ADGRL2: variants seen among roughly 807,000 people sequenced by gnomAD.
ADGRL2 encodes the protein calcium-independent alpha-latrotoxin receptor 2.
Under a neutral mutation model 157.4 loss-of-function variants are expected in ADGRL2, and 44 were observed. The observed-to-expected ratio is 0.28, with a 90% CI of 0.22 to 0.36. ADGRL2 has a LOEUF of 0.36. ADGRL2 is among the 10% of genes least tolerant of loss of function. The pLI is 1.00. For synonymous variants in ADGRL2, 585 were observed against 624.7 expected (o/e 0.94, Z 0.95); for missense variants, 1,510 against 1,768.9 (o/e 0.85, Z 2.63).
chr1:81,515,745 A>G (rs1410797103), intron 2 of ADGRL2, among the ~76,000 whole-genome samples: 1 of 152,208 alleles, frequency 6.6e-6, no homozygotes, highest in African/African-American at 2.4e-5. Context: ...ATGTCCCTTC[A>G]TTGTATTTTA....
chr1:81,585,155 C>T (rs941960425), intron 3 of ADGRL2, among the ~76,000 whole-genome samples: 1 of 152,100 alleles, frequency 6.6e-6, no homozygotes, highest in Non-Finnish European at 1.5e-5. Context: ...TTGCTACAAG[C>T]TTTTGTTGGT....
intron 2 of ADGRL2, among the ~76,000 whole-genome samples, chr1:81,475,122 C>A (rs1272563751): frequency 3.9e-5 from 6 of 152,084 alleles, no homozygotes; most frequent in Admixed American, 3.9e-4. Context: ...AATTGTTGCA[C>A]CTCAAAATCA....
intron 3 of ADGRL2, among the ~76,000 whole-genome samples, chr1:81,684,612 T>C (rs886562622): frequency 6.6e-6 from 1 of 152,220 alleles, no homozygotes; most frequent in African/African-American, 2.4e-5. Flanking sequence ...CTGTTCCTTT[T>C]GCCATGCAAA....
At chr1:81,922,564 A>G (rs1314405928) in intron 3 of ADGRL2, among the ~76,000 whole-genome samples, 3 of 152,156 alleles carry the variant, frequency 2.0e-5, no homozygotes, top group African/African-American at 7.2e-5. Context: ...ACAGTTTGAT[A>G]TTCACTTGTT....
intron 2 of ADGRL2, among the ~76,000 whole-genome samples, chr1:81,537,069 C>T (rs2079757091): frequency 6.6e-6 from 1 of 152,098 alleles, no homozygotes; most frequent in Admixed American, 6.6e-5. Context: ...GTTAAATACA[C>T]AAAACATTTC....
At chr1:81,710,977 T>G (rs775538300) in intron 1 of ADGRL2, among the ~76,000 whole-genome samples, 8 of 152,154 alleles carry the variant, frequency 5.3e-5, no homozygotes, top group Non-Finnish European at 8.8e-5. Context: ...ATATACTACA[T>G]GCATGATTTT....
chr1:81,614,066 G>A (rs1293623935), intron 3 of ADGRL2, among the ~76,000 whole-genome samples: 2 of 152,070 alleles, frequency 1.3e-5, no homozygotes, highest in Admixed American at 1.3e-4. Flanking sequence ...TTCCCTCCCT[G>A]AACACTTCCA....
At chr1:81,413,164 G>A (rs1009139102) in intron 1 of ADGRL2, among the ~76,000 whole-genome samples, 12 of 151,984 alleles carry the variant, frequency 7.9e-5, no homozygotes, top group African/African-American at 1.7e-4. Context: ...CACCTCAGCC[G>A]TTTGCCTATC....
chr1:81,824,396 T>C (rs2091274877), intron 1 of ADGRL2, among the ~76,000 whole-genome samples: 1 of 151,936 alleles, frequency 6.6e-6, no homozygotes, highest in Non-Finnish European at 1.5e-5. Flanking sequence ...CATCTCAGCC[T>C]CCCAAGAAGC....
intron 1 of ADGRL2, among the ~76,000 whole-genome samples, chr1:81,807,519 T>A (rs2089313358): frequency 6.6e-6 from 1 of 151,970 alleles, no homozygotes; most frequent in Non-Finnish European, 1.5e-5. Flanking sequence ...TCTCAAAGAT[T>A]GGCCAGGTAG....
chr1:81,709,610 T>C (rs537334736), intron 1 of ADGRL2, among the ~76,000 whole-genome samples: 2 of 152,264 alleles, frequency 1.3e-5, no homozygotes, highest in South Asian at 4.1e-4. Flanking sequence ...TATTCTTGTT[T>C]CTGTGAGTCC....
rs561358740 is a variant in ADGRL2 at position 81,605,406 on chromosome 1, T to C, written c.-143+24426T>C. 8.5e-5 allele frequency among the ~76,000 whole-genome samples: 13 copies of C among 152,290 alleles called. No individual in the cohort carries two copies. In the South Asian group the frequency reaches 2.3e-3, roughly 27 times the overall value. ...TTATGGCCCACAATTATAATAGTTA[T>C]AGTACCCAGTGGATCTCCAGGATAC... On this transcript the variant is annotated intron_variant, in intron 3 of 24. Transcript: ENST00000370721.
At chr1:81,437,304 T>G (rs564824726) in intron 1 of ADGRL2, among the ~76,000 whole-genome samples, 104 of 150,966 alleles carry the variant, frequency 6.9e-4, no homozygotes, top group African/African-American at 2.4e-3. Context: ...AAGGAAAGCT[T>G]TTTTTTACAC....
chr1:81,689,658 G>T (rs946613497), intron 3 of ADGRL2, among the ~76,000 whole-genome samples: 5 of 152,146 alleles, frequency 3.3e-5, no homozygotes, highest in African/African-American at 1.2e-4. Context: ...TCCACCCACT[G>T]GCAGATGTGG....
chr1:81,383,449 C>G (rs1277935843), intron 1 of ADGRL2, among the ~76,000 whole-genome samples: 2 of 151,944 alleles, frequency 1.3e-5, no homozygotes, highest in Admixed American at 6.6e-5. Context: ...TTTGAGCCAC[C>G]ACGGGTGATT....
intron 1 of ADGRL2, among the ~76,000 whole-genome samples, chr1:81,700,002 G>C (rs1035432519): frequency 6.6e-6 from 1 of 152,118 alleles, no homozygotes; most frequent in African/African-American, 2.4e-5. Flanking sequence ...AATAGCTGTC[G>C]GTACAGTTTC....
chr1:81,316,275 T>C (rs563662310), intron 1 of ADGRL2, among the ~76,000 whole-genome samples: 1 of 152,336 alleles, frequency 6.6e-6, no homozygotes, highest in African/African-American at 2.4e-5. Flanking sequence ...TAGTTAATTT[T>C]GTTAAACCTA....
intron 3 of ADGRL2, among the ~76,000 whole-genome samples, chr1:81,633,833 T>G (rs971035550): frequency 3.4e-4 from 51 of 152,236 alleles, no homozygotes; most frequent in African/African-American, 1.2e-3. Flanking sequence ...CATTTATCTC[T>G]ACCACCATTT....
intron 3 of ADGRL2, among the ~76,000 whole-genome samples, chr1:81,646,723 A>G (rs1401881751): frequency 6.6e-6 from 1 of 152,116 alleles, no homozygotes; most frequent in Non-Finnish European, 1.5e-5. Context: ...AGGTCTTCCT[A>G]TTTTTTCATC....
Sources: gnomAD v4.1 joint callset for allele counts (sites outside exome capture counted in the v4.1 genomes callset) on GRCh38, gnomAD v4.1.1 for gene constraint, MANE v1.5 for transcripts, NCBI Gene and HGNC (gene_info 2026-07-23, HGNC 2026-07-21) for gene names.